The following GALNT13 variants were observed in gnomAD, a reference collection of about 807,000 sequenced individuals.
The protein encoded by GALNT13 is polypeptide N-acetylgalactosaminyltransferase 13, also known as UDP-GalNAc:polypeptide N-acetylgalactosaminyltransferase 13.
In GALNT13, 28 loss-of-function variants were observed where a neutral mutation model predicts 64.2. The ratio of observed to expected loss-of-function variants is 0.44; its 90% CI spans 0.32 to 0.60. The LOEUF is 0.60. Among genes scored for constraint, GALNT13 ranks in the 20% least tolerant of loss-of-function variants. The pLI, the probability that GALNT13 is intolerant of heterozygous loss-of-function variation, is 0.05. For synonymous variants in GALNT13, 214 were observed against 224.6 expected (o/e 0.95, Z 0.42); for missense variants, 577 against 669.8 (o/e 0.86, Z 1.53).
At chr2:154,165,334 T>A (rs1684966440) in intron 4 of GALNT13, among the ~76,000 whole-genome samples, 1 of 152,170 alleles carries the variant, frequency 6.6e-6, no homozygotes, top group Non-Finnish European at 1.5e-5. Context: ...TTGAGGAAAG[T>A]CCTTTCTGTT....
At chr2:153,636,207 G>A in the GALNT13 span, among the ~76,000 whole-genome samples, 1 of 152,028 alleles carries the variant, frequency 6.6e-6, no homozygotes, top group Non-Finnish European at 1.5e-5. Flanking sequence ...GTCACATTTT[G>A]AAGGGGAAAA....
the GALNT13 span, among the ~76,000 whole-genome samples, chr2:153,789,669 A>G: frequency 1.3e-5 from 2 of 152,104 alleles, no homozygotes; most frequent in African/African-American, 2.4e-5. Context: ...TTTGAAAAAT[A>G]TAATAGATAG....
At chr2:153,342,220 G>A in the GALNT13 span, among the ~76,000 whole-genome samples, 1 of 152,106 alleles carries the variant, frequency 6.6e-6, no homozygotes, top group Non-Finnish European at 1.5e-5. Flanking sequence ...CCTAATAAAA[G>A]CAAGGCACAT....
At chr2:154,444,002 G>T (rs1701437550) in intron 12 of GALNT13, among the ~76,000 whole-genome samples, 1 of 151,928 alleles carries the variant, frequency 6.6e-6, no homozygotes. Flanking sequence ...AATATATTTG[G>T]CAGTAAGTTG....
chr2:153,785,329 G>C, the GALNT13 span, among the ~76,000 whole-genome samples: 4 of 152,066 alleles, frequency 2.6e-5, no homozygotes, highest in African/African-American at 4.8e-5. Context: ...GTGGGTTCAG[G>C]TGGGTGACAG....
chr2:153,400,336 A>G, the GALNT13 span, among the ~76,000 whole-genome samples: 27 of 152,194 alleles, frequency 1.8e-4, no homozygotes, highest in Non-Finnish European at 3.5e-4. Context: ...CCAGTATTTT[A>G]TTGAGGATTT....
At chr2:153,957,877 T>C (rs1213899781) in intron 3 of GALNT13, among the ~76,000 whole-genome samples, 2 of 152,230 alleles carry the variant, frequency 1.3e-5, no homozygotes, top group African/African-American at 4.8e-5. Context: ...AGATTATTTG[T>C]AAGTCATGAT....
At chr2:153,529,337 A>T in the GALNT13 span, among the ~76,000 whole-genome samples, 5 of 152,088 alleles carry the variant, frequency 3.3e-5, no homozygotes, top group African/African-American at 1.2e-4. Context: ...TCCTACACAG[A>T]TATGACCTGC....
rs1699204895 is a variant in GALNT13, at chr2:154,399,526, A to G, written c.1296+3396A>G. Among the ~76,000 whole-genome samples the G allele has an allele frequency of 2.6e-5, 4 of 152,224 alleles. No homozygotes were observed. In the South Asian group the frequency reaches 8.3e-4, roughly 32 times the overall value. ...AGGACAGCTCCCTTCAACCTCTTTT[A>G]TAAGGGCACTAATCCCATTCATAAG... On this transcript the variant is annotated intron_variant, in intron 10 of 12. Coordinates refer to ENST00000392825, the MANE Select transcript of GALNT13 (RefSeq NM_052917.4).
chr2:153,287,237 G>C, the GALNT13 span, among the ~76,000 whole-genome samples: 1 of 152,146 alleles, frequency 6.6e-6, no homozygotes, highest in African/African-American at 2.4e-5. Context: ...GCATGCAGAC[G>C]GGCAAGTCCT....
the GALNT13 span, among the ~76,000 whole-genome samples, chr2:153,527,681 A>G: frequency 6.6e-6 from 1 of 152,184 alleles, no homozygotes; most frequent in Non-Finnish European, 1.5e-5. Context: ...TAGAAAGACT[A>G]AATGATGAAC....
intron 7 of GALNT13, among the ~76,000 whole-genome samples, chr2:154,256,017 C>T (rs1690351464): frequency 6.6e-6 from 1 of 151,644 alleles, no homozygotes; most frequent in Admixed American, 6.6e-5. Context: ...TGCACCACTA[C>T]ACCACTCTAG....
At chr2:153,596,654 A>G in the GALNT13 span, among the ~76,000 whole-genome samples, 1 of 152,148 alleles carries the variant, frequency 6.6e-6, no homozygotes, top group Non-Finnish European at 1.5e-5. Flanking sequence ...TGTTTTTAAC[A>G]TGACAGGATT....
the GALNT13 span, among the ~76,000 whole-genome samples, chr2:153,252,049 T>G: frequency 0.83 from 124,646 of 150,050 alleles, 53,048 homozygotes; most frequent in African/African-American, 0.93. Flanking sequence ...TCACTACACT[T>G]ACTTCCACAA....
At chr2:154,394,170 C>T (rs1698949904) in intron 9 of GALNT13, among the ~76,000 whole-genome samples, 1 of 144,994 alleles carries the variant, frequency 6.9e-6, no homozygotes, top group Admixed American at 6.9e-5. Context: ...CCTTCTAGGA[C>T]TTTATCTTTT....
At chr2:153,972,233 C>T (rs919350659) in intron 3 of GALNT13, among the ~76,000 whole-genome samples, 1 of 151,976 alleles carries the variant, frequency 6.6e-6, no homozygotes, top group East Asian at 1.9e-4. Flanking sequence ...TTTGGCAGCC[C>T]TAGGAAACAA....
chr2:153,091,541 T>C, the GALNT13 span, among the ~76,000 whole-genome samples: 2 of 152,208 alleles, frequency 1.3e-5, no homozygotes, highest in African/African-American at 2.4e-5. Flanking sequence ...TAAATTTTCC[T>C]GGTACATTCC....
At chr2:153,398,515 T>C in the GALNT13 span, among the ~76,000 whole-genome samples, 1 of 151,916 alleles carries the variant, frequency 6.6e-6, no homozygotes, top group Non-Finnish European at 1.5e-5. Context: ...TCCACAATGG[T>C]TGAACTAGTT....
At chr2:153,285,592 A>C in the GALNT13 span, among the ~76,000 whole-genome samples, 1 of 152,226 alleles carries the variant, frequency 6.6e-6, no homozygotes, top group African/African-American at 2.4e-5. Context: ...ATTGACATTT[A>C]TTTGTAAGAA....
Sources: gnomAD v4.1 joint callset for allele counts (sites outside exome capture counted in the v4.1 genomes callset) on GRCh38, gnomAD v4.1.1 for gene constraint, MANE v1.5 for transcripts, NCBI Gene and HGNC (gene_info 2026-07-23, HGNC 2026-07-21) for gene names.